RREB1: variants seen among roughly 807,000 people sequenced by gnomAD.
RREB1 encodes ras-responsive element-binding protein 1.
Under a neutral mutation model 117.8 loss-of-function variants are expected in RREB1, and 27 were observed. The observed-to-expected ratio is 0.23, with a 90% CI of 0.17 to 0.32. RREB1 has a LOEUF of 0.32. RREB1 is among the 10% of genes least tolerant of loss of function. RREB1 has a pLI of 1.00. For synonymous variants in RREB1, 1,298 were observed against 1,026.7 expected (o/e 1.26, Z -5.05); for missense variants, 2,577 against 2,378.2 (o/e 1.08, Z -1.74).
chr6:7,187,544 T>TATTTTATTTC, intron 5 of RREB1, 21 bp downstream of exon 5: 1 of 444,870 alleles, frequency 2.2e-6, no homozygotes, highest in Non-Finnish European at 3.2e-6. Context: ...ACTGTTCTTT[T>TATTTTATTTC]ATTTTATTTT....
At chr6:7,217,683 A>G (rs1024257149) in intron 8 of RREB1, 1 of 152,208 alleles carries the variant, frequency 6.6e-6, no homozygotes, top group African/African-American at 2.4e-5. Flanking sequence ...GATAATCCAC[A>G]ATCCTCAGAG....
intron 1 of RREB1, among the ~76,000 whole-genome samples, chr6:7,132,059 GGTTT>G (rs1234150340): frequency 1.3e-5 from 2 of 151,736 alleles, no homozygotes; most frequent in Non-Finnish European, 1.5e-5. Flanking sequence ...GGGTTTTTTT[GGTTT>G]GTTTGTTTGA....
intron 1 of RREB1, among the ~76,000 whole-genome samples, chr6:7,116,371 T>TA (rs1761397890): frequency 6.6e-6 from 1 of 152,218 alleles, no homozygotes; most frequent in African/African-American, 2.4e-5. Flanking sequence ...AGACCCAGCT[T>TA]AAATACTACC....
intron 1 of RREB1, among the ~76,000 whole-genome samples, chr6:7,174,151 C>CTTTTTTT (rs59106767): frequency 3.8e-5 from 5 of 131,058 alleles, no homozygotes; most frequent in African/African-American, 8.8e-5. Flanking sequence ...CTAGTCTTTC[C>CTTTTTTT]TTTTTTTTTT....
intron 1 of RREB1, among the ~76,000 whole-genome samples, chr6:7,144,260 A>G (rs1346806591): frequency 7.2e-5 from 11 of 152,212 alleles, no homozygotes; most frequent in African/African-American, 2.7e-4. Flanking sequence ...GAGGTTATAG[A>G]TATGTTAGCT....
rs563655407 is a variant in RREB1 at position 7,231,213 on chromosome 6, C to T, written c.3114C>T (p.Gly1038=). The T allele has an allele frequency of 1.2e-4, 193 of 1,612,302 alleles. No homozygotes were observed. The highest frequency in any genetic ancestry group is 4.0e-4 in the African/African-American group (30 of 75,054). ...TGGGCAGCTCAGCCCTCCTGAGTGG[C>T]ACAGCCTTGCTGCGTCCACTGCGGC... ...PLVGSSALLS[G]TALLRPLRPK... is the part of the protein sequence containing the mutation. Residue 1038 remains glycine (G), a synonymous_variant, in exon 10 of 13, where the codon GGC becomes GGT. Coordinates refer to ENST00000379938, the MANE Select transcript of RREB1 (RefSeq NM_001003699.4).
intron 11 of RREB1, among the ~76,000 whole-genome samples, chr6:7,241,245 T>TA (rs972519872): frequency 2.6e-5 from 4 of 152,214 alleles, no homozygotes; most frequent in South Asian, 2.1e-4. Flanking sequence ...GGCTGCCCGA[T>TA]ACGTCTTGTG....
At chr6:7,221,905 C>T (rs1767282624) in intron 8 of RREB1, among the ~76,000 whole-genome samples, 1 of 152,188 alleles carries the variant, frequency 6.6e-6, no homozygotes, top group Admixed American at 6.5e-5. Context: ...AGGAAACGGG[C>T]TTTTCCTGAT....
intron 8 of RREB1, among the ~76,000 whole-genome samples, chr6:7,223,845 T>C (rs561548512): frequency 1.3e-5 from 2 of 152,314 alleles, no homozygotes; most frequent in South Asian, 4.1e-4. Context: ...CTGCCTGCCT[T>C]TTGCAGTTGA....
chr6:7,125,762 GT>G (rs1453245581), intron 1 of RREB1, among the ~76,000 whole-genome samples: 1 of 152,008 alleles, frequency 6.6e-6, no homozygotes, highest in Non-Finnish European at 1.5e-5. Flanking sequence ...GGGAGGTGTT[GT>G]TTCTTTGTTG....
rs1343604834 is a variant in RREB1 at position 7,189,284 on chromosome 6, G to A, written c.387G>A (p.Val129=). ...HSGERPYKCT[V]CGQSFTTNGN... is the part of the protein sequence containing the mutation. The stretch of plus-strand genomic sequence containing the variant: ...GCGAGAGGCCTTACAAGTGCACTGT[G>A]TGTGGCCAGTCATTTACCACCAATG... Residue 129 remains valine, a synonymous_variant, in exon 6 of 13, where the codon GTG becomes GTA. Coordinates refer to ENST00000379938, the MANE Select transcript of RREB1 (RefSeq NM_001003699.4). The A allele has an allele frequency of 6.2e-7, 1 of 1,601,472 alleles. No homozygotes were observed. Among genetic ancestry groups the A allele is most frequent in the Non-Finnish European group, 8.5e-7 (1 of 1,173,436 alleles).
At chr6:7,189,988 T>C (rs1224399265) in intron 6 of RREB1, among the ~76,000 whole-genome samples, 6 of 152,216 alleles carry the variant, frequency 3.9e-5, no homozygotes, top group Non-Finnish European at 5.9e-5. Flanking sequence ...CCAGTCCTTA[T>C]TCTGCTTTCT....
chr6:7,190,577 T>G (rs974041455), intron 6 of RREB1, among the ~76,000 whole-genome samples: 22 of 152,260 alleles, frequency 1.4e-4, no homozygotes, highest in Non-Finnish European at 3.1e-4. Context: ...TATTTTCTCA[T>G]AAATTTCAGT....
chr6:7,148,777 T>C (rs1054761452), intron 1 of RREB1, among the ~76,000 whole-genome samples: 2 of 152,214 alleles, frequency 1.3e-5, no homozygotes, highest in Admixed American at 1.3e-4. Context: ...GTGCAGCTGC[T>C]TCATGAGTTA....
intron 1 of RREB1, among the ~76,000 whole-genome samples, chr6:7,132,150 G>A (rs567643373): frequency 5.3e-4 from 80 of 152,290 alleles, no homozygotes; most frequent in Non-Finnish European, 9.6e-4. Context: ...TGCCTCCCGG[G>A]TTCAAGCGAT....
At chr6:7,117,280 A>T (rs935631149) in intron 1 of RREB1, among the ~76,000 whole-genome samples, 1 of 151,726 alleles carries the variant, frequency 6.6e-6, no homozygotes, top group Non-Finnish European at 1.5e-5. Flanking sequence ...TCAAAATCTT[A>T]ATTTTCTCAT....
At position 7,151,116 on chromosome 6, in the gene RREB1, G is replaced by A. The variant is rs557795538; in HGVS notation, c.-284-25539G>A. Among the ~76,000 whole-genome samples the A allele has an allele frequency of 7.6e-4, 116 of 152,318 alleles. 1 individual carries two copies. The highest frequency in any genetic ancestry group is 2.6e-3 in the African/African-American group (106 of 41,566). On this transcript the variant is annotated intron_variant, in intron 1 of 12. Coordinates refer to ENST00000379938, the MANE Select transcript of RREB1 (RefSeq NM_001003699.4). ...TTCCAGAGCAGTTTAAAGATACTGC[G>A]GAAATTTGTTGGGTGGTTCATTGTT...
chr6:7,228,354 G>A (rs1318258435), intron 9 of RREB1, among the ~76,000 whole-genome samples: 2 of 151,992 alleles, frequency 1.3e-5, no homozygotes, highest in East Asian at 1.9e-4. Context: ...TACCCTTGTG[G>A]TATTGTTACT....
At chr6:7,200,083 T>A (rs1765866865) in intron 6 of RREB1, among the ~76,000 whole-genome samples, 1 of 152,192 alleles carries the variant, frequency 6.6e-6, no homozygotes, top group African/African-American at 2.4e-5. Flanking sequence ...AGCCTGTTTT[T>A]TATTTGCTAG....
Sources: allele counts gnomAD v4.1 joint callset (sites outside exome capture counted in the v4.1 genomes callset), GRCh38; gene constraint gnomAD v4.1.1; transcripts MANE v1.5; gene names NCBI Gene and HGNC (gene_info 2026-07-23, HGNC 2026-07-21).